PRDX3: variants seen among roughly 807,000 people sequenced by gnomAD.
PRDX3 encodes the protein peroxiredoxin 3.
Under a neutral mutation model 30.4 loss-of-function variants are expected in PRDX3, and 20 were observed. The ratio of observed to expected loss-of-function variants is 0.66; its 90% CI spans 0.46 to 0.96. The LOEUF (loss-of-function observed/expected upper bound fraction) is 0.96. Among genes scored for constraint, PRDX3 ranks in the 40% least tolerant of loss-of-function variants. The pLI is 0.00. For synonymous variants in PRDX3, 124 were observed against 117.8 expected (o/e 1.05, Z -0.34); for missense variants, 322 against 318.3 (o/e 1.01, Z -0.09).
rs35634401 is a variant in PRDX3, at chr10:119,169,585, A to G, written c.552-243T>C. 85 of 381,482 alleles carry G rather than the reference A, an allele frequency of 2.2e-4. No individual in the cohort carries two copies. In the East Asian group the frequency reaches 3.9e-3, roughly 17 times the overall value. 23.6% of individuals were successfully genotyped at this position (381,482 alleles called of 1,614,324 possible). A position where few individuals can be genotyped will look rare whatever the true frequency, so the allele number is the denominator to read the frequency against. On this transcript the variant is annotated intron_variant, in intron 5 of 6. Coordinates refer to ENST00000298510, the MANE Select transcript of PRDX3 (RefSeq NM_006793.5). ...AAACATGCAGTATGGTCACACTTAC[A>G]AGTTCACATAGTGCCCTGAATGTTA... is the stretch of plus-strand genomic sequence containing the variant.
At chr10:119,173,984 T>G (rs1847970960) in intron 3 of PRDX3, 112 bp from the exon 4 acceptor site, 1 of 1,064,490 alleles carries the variant, frequency 9.4e-7, no homozygotes, top group Non-Finnish European at 1.4e-6. Flanking sequence ...CAAAATGGTT[T>G]ACCATCCTCA....
rs9651422 is a variant in PRDX3 at position 119,174,389 on chromosome 10, T to A, written c.311+62A>T. 4.4e-4 allele frequency: 663 copies of A among 1,509,864 alleles called. 1 individual carries two copies. The African/African-American group carries it at 8.5e-3, about 19-fold the overall frequency. The allele number at this position is 1,509,864 out of a possible 1,614,324, so 93.5% of individuals were successfully genotyped here. A position where few individuals can be genotyped will look rare whatever the true frequency, so the allele number is the denominator to read the frequency against. ...GTATCTAGGGATAGACAATTCAGTGTGGGAACAGGATATGTGCTTGCTCTC... is the reference window on the plus strand; with the variant it reads ...GTATCTAGGGATAGACAATTCAGTGAGGGAACAGGATATGTGCTTGCTCTC... On this transcript the variant is annotated intron_variant, in intron 3 of 6. Transcript: ENST00000298510.
chr10:119,167,783 A>G lies in PRDX3; in HGVS notation c.*697T>C, dbSNP rs1183244361. 1 of 152,242 alleles carries G rather than the reference A, an allele frequency of 6.6e-6. No individual in the cohort carries two copies. Among genetic ancestry groups the G allele is most frequent in the African/African-American group, 2.4e-5 (1 of 41,466 alleles). 9.4% of individuals were successfully genotyped at this position (152,242 alleles called of 1,614,324 possible). A position where few individuals can be genotyped will look rare whatever the true frequency, so the allele number is the denominator to read the frequency against. ...ATACTTCAGCAAAGAAAATAATTAT[A>G]ATTTCAAAATGCAATCCCTGGATTT... On this transcript the variant is annotated 3_prime_UTR_variant, in exon 7 of 7. Coordinates refer to ENST00000298510, the MANE Select transcript of PRDX3 (RefSeq NM_006793.5).
rs1438898811 is a variant in PRDX3, at chr10:119,168,316, G to C, written c.*164C>G. ...TACTAGCAACTAACCATGTTTAAAA[G>C]GTCTTAGCCAGAATTACAAAAACAA... On this transcript the variant is annotated 3_prime_UTR_variant, in exon 7 of 7. Coordinates refer to ENST00000298510, the MANE Select transcript of PRDX3 (RefSeq NM_006793.5). 2.2e-6 allele frequency: 3 copies of C among 1,384,060 alleles called. No homozygotes were observed. Among genetic ancestry groups the C allele is most frequent in the African/African-American group, 3.0e-5 (2 of 67,500 alleles). The allele number at this position is 1,384,060 out of a possible 1,614,324, so 85.7% of individuals were successfully genotyped here.
intron 3 of PRDX3, among the ~76,000 whole-genome samples, chr10:119,174,232 A>G (rs1267040562): frequency 6.6e-6 from 1 of 152,212 alleles, no homozygotes; most frequent in Non-Finnish European, 1.5e-5. Context: ...CAGAGCACAG[A>G]GGTGTACTAT....
At chr10:119,172,563 C>T (rs897777810) in intron 4 of PRDX3, 78 bp from the exon 5 acceptor site, 4 of 1,166,062 alleles carry the variant, frequency 3.4e-6, no homozygotes, top group Admixed American at 3.4e-5. Flanking sequence ...TGTTTGAGAC[C>T]AACAGTAACG....
chr10:119,168,930 G>C (rs541897292), intron 6 of PRDX3, among the ~76,000 whole-genome samples: 2 of 144,934 alleles, frequency 1.4e-5, no homozygotes, highest in Non-Finnish European at 3.0e-5. Context: ...CTGAGAGAGC[G>C]CCACTGCACT....
chr10:119,174,904 C>T (rs1417521837), intron 2 of PRDX3: 5 of 219,598 alleles, frequency 2.3e-5, no homozygotes, highest in South Asian at 1.6e-4. Context: ...GTAAATGCTA[C>T]GTAAATAGTC....
intron 1 of PRDX3, among the ~76,000 whole-genome samples, 157 bp from the exon 2 acceptor site, chr10:119,177,310 A>C (rs1188057922): frequency 1.3e-5 from 2 of 152,206 alleles, no homozygotes; most frequent in Non-Finnish European, 2.9e-5. Flanking sequence ...CATGTTCTTA[A>C]CACTCCCTTC....
chr10:119,174,852 T>C (rs1483423318), intron 2 of PRDX3: 6 of 356,724 alleles, frequency 1.7e-5, no homozygotes, highest in Non-Finnish European at 3.0e-5. Context: ...CCCTCCAGTA[T>C]ACTTAAATCA....
rs17850322 is a variant in PRDX3 at position 119,177,099 on chromosome 10, T to C, written c.91A>G (p.Arg31Gly). 2.0e-5 allele frequency: 32 copies of C among 1,613,748 alleles called. No homozygotes were observed. In the East Asian group the frequency reaches 7.1e-4, roughly 36 times the overall value. ...PWGISATAAL[R>G]PAACGRTSLT... ...CTCGTTCTTCCACATGCAGCAGGCCTGAGGGCTGCAGTGGCAGAAATGCCC... is the reference window on the plus strand; with the variant it reads ...CTCGTTCTTCCACATGCAGCAGGCCCGAGGGCTGCAGTGGCAGAAATGCCC... Residue 31 changes from arginine to glycine, a missense_variant, in exon 2 of 7, where the codon AGG (arginine) becomes GGG (glycine). Arg to Gly is a moderately radical substitution (Grantham distance 125). Coordinates refer to ENST00000298510, the MANE Select transcript of PRDX3 (RefSeq NM_006793.5).
chr10:119,174,366 A>G, intron 3 of PRDX3, 85 bp downstream of exon 3: 1 of 1,430,460 alleles, frequency 7.0e-7, no homozygotes, highest in Admixed American at 2.4e-5. Context: ...TCACAAGGGT[A>G]TCTAGGGATA....
At position 119,177,146 on chromosome 10, in the gene PRDX3, C is replaced by T. The variant is rs1234996905; in HGVS notation, c.44G>A (p.Arg15Gln). The T allele has an allele frequency of 3.1e-6, 5 of 1,612,956 alleles. No individual in the cohort carries two copies. Among genetic ancestry groups the T allele is most frequent in the African/African-American group, 1.3e-5 (1 of 74,890 alleles). The change falls in exon 2 of 7, where the codon CGA becomes CAA. Residue 15 changes from arginine to glutamine, a missense_variant. Physicochemically the swap from Arg to Gln is conservative, Grantham distance 43. Coordinates refer to ENST00000298510, the MANE Select transcript of PRDX3 (RefSeq NM_006793.5). ...GCCCCAAGGAATGGCACTCACATGT[C>T]GGGCAACCTGGAAAGAGAAACTTTT... ...VGRLLRASVA[R>Q]HVSAIPWGIS...
chr10:119,177,044 C>T lies in PRDX3; in HGVS notation c.146G>A (p.Ser49Asn), dbSNP rs768158130. 4 of 1,614,130 alleles carry T rather than the reference C, an allele frequency of 2.5e-6. No individual in the cohort carries two copies. Among genetic ancestry groups the T allele is most frequent in the Non-Finnish European group, 2.5e-6 (3 of 1,179,966 alleles). Residue 49 changes from serine to asparagine, a missense_variant, in exon 2 of 7, where the codon AGT becomes AAT. Transcript: ENST00000298510. ...SLTNLLCSGS[S>N]QAKLFSTSSS... ...ACTGGTGCTGAATAATTTTGCTTGA[C>T]TGGAACCAGAACACAATAAATTTGT...
chr10:119,176,715 G>A (rs1375096608), intron 2 of PRDX3, among the ~76,000 whole-genome samples: 1 of 152,178 alleles, frequency 6.6e-6, no homozygotes, highest in African/African-American at 2.4e-5. Flanking sequence ...AGACTCAGAA[G>A]GCATCTGAGC....
intron 5 of PRDX3, among the ~76,000 whole-genome samples, chr10:119,171,274 T>C (rs1358205302): frequency 1.3e-5 from 2 of 151,906 alleles, no homozygotes; most frequent in African/African-American, 4.8e-5. Flanking sequence ...TCTCTTGACC[T>C]CGTGATCCAC....
intron 1 of PRDX3, among the ~76,000 whole-genome samples, 166 bp downstream of exon 1, chr10:119,178,589 G>A (rs1431045580): frequency 1.3e-5 from 2 of 152,264 alleles, no homozygotes; most frequent in African/African-American, 4.8e-5. Context: ...GTTCTGCGCA[G>A]GCGCATGGAA....
chr10:119,174,816 G>T (rs1779864608), intron 2 of PRDX3: 3 of 432,590 alleles, frequency 6.9e-6, no homozygotes, highest in Non-Finnish European at 8.1e-6. Context: ...TACATAAAGT[G>T]GTGATTTGCA....
chr10:119,168,477 G>C lies in PRDX3; in HGVS notation c.*3C>G. On this transcript the variant is annotated 3_prime_UTR_variant, in exon 7 of 7. Coordinates refer to ENST00000298510, the MANE Select transcript of PRDX3 (RefSeq NM_006793.5). ...TGAGAAGGTGCAGATACACATGGGT[G>C]ATCTACTGATTTACCTTCTGAAAGT... The C allele has an allele frequency of 1.2e-6, 2 of 1,613,650 alleles. No individual in the cohort carries two copies. Among genetic ancestry groups the C allele is most frequent in the South Asian group, 1.1e-5 (1 of 91,044 alleles).
Sources: allele counts gnomAD v4.1 joint callset (sites outside exome capture counted in the v4.1 genomes callset), GRCh38; gene constraint gnomAD v4.1.1; transcripts MANE v1.5; gene names NCBI Gene and HGNC (gene_info 2026-07-23, HGNC 2026-07-21).